The following NEO1 variants were observed in gnomAD, a reference collection of about 807,000 sequenced individuals.
NEO1 encodes the protein neogenin 1, also known as neogenin.
A neutral mutation model predicts 159.7 loss-of-function variants in NEO1; 63 were observed. That is an observed-to-expected ratio of 0.39 (90% CI 0.32 to 0.49). The LOEUF (loss-of-function observed/expected upper bound fraction) is 0.49. Among genes scored for constraint, NEO1 ranks in the 20% least tolerant of loss-of-function variants. NEO1 has a pLI of 0.85. For missense variants in NEO1, 1,615 were observed against 1,831.0 expected (o/e 0.88, Z 2.15); for synonymous variants, 633 against 662.0 (o/e 0.96, Z 0.67).
intron 12 of NEO1, among the ~76,000 whole-genome samples, chr15:73,254,288 T>G (rs1224633569): frequency 6.6e-6 from 1 of 152,142 alleles, no homozygotes; most frequent in Non-Finnish European, 1.5e-5. Context: ...ATATGGAAAT[T>G]GTCTAATTTC....
In NEO1 at chr15:73,228,588, G is replaced by T. The variant is rs574620643; in HGVS notation, c.1292-7759G>T. On this transcript the variant is annotated intron_variant, in intron 7 of 28. Coordinates refer to ENST00000261908, the MANE Select transcript of NEO1 (RefSeq NM_002499.4). ...TTGTTTTTGTTTTGTTTTTTTCTGGGTTTTTTTTAGTGCAGAAGTATTTGT... is the reference window on the plus strand; with the variant it reads ...TTGTTTTTGTTTTGTTTTTTTCTGGTTTTTTTTTAGTGCAGAAGTATTTGT... Among the ~76,000 whole-genome samples the T allele has an allele frequency of 8.7e-5, 13 of 150,220 alleles. 1 individual carries two copies. The highest frequency in any genetic ancestry group is 6.3e-4 in the South Asian group (3 of 4,760).
At chr15:73,067,832 G>C (rs148479833) in intron 1 of NEO1, among the ~76,000 whole-genome samples, 1 of 152,002 alleles carries the variant, frequency 6.6e-6, no homozygotes, top group African/African-American at 2.4e-5. Context: ...TAGCTAGGAT[G>C]GTCTCGATCT....
intron 7 of NEO1, among the ~76,000 whole-genome samples, chr15:73,225,812 C>T (rs2038551635): frequency 6.6e-6 from 1 of 152,150 alleles, no homozygotes. Flanking sequence ...CAGGAGGGTT[C>T]TCCCCAGCTT....
intron 1 of NEO1, among the ~76,000 whole-genome samples, chr15:73,081,394 G>A (rs1020055923): frequency 1.3e-5 from 2 of 152,158 alleles, no homozygotes; most frequent in Non-Finnish European, 2.9e-5. Context: ...GAAGTATAAT[G>A]TTCTGAGGGC....
intron 7 of NEO1, among the ~76,000 whole-genome samples, chr15:73,182,261 A>T (rs1331860915): frequency 6.6e-6 from 1 of 152,154 alleles, no homozygotes; most frequent in Non-Finnish European, 1.5e-5. Flanking sequence ...TCAAGATAAG[A>T]TTTGGGTGGG....
intron 5 of NEO1, among the ~76,000 whole-genome samples, chr15:73,144,624 A>G (rs1183386559): frequency 1.3e-5 from 2 of 152,222 alleles, no homozygotes; most frequent in Admixed American, 1.3e-4. Context: ...TTCACACTCT[A>G]CCTGCTTCTG....
At chr15:73,194,604 A>G (rs2036428807) in intron 7 of NEO1, among the ~76,000 whole-genome samples, 1 of 152,194 alleles carries the variant, frequency 6.6e-6, no homozygotes. Flanking sequence ...ACATCAGGCC[A>G]TTCCTGAGGG....
intron 9 of NEO1, among the ~76,000 whole-genome samples, chr15:73,246,954 G>A (rs892946738): frequency 1.3e-5 from 2 of 152,200 alleles, no homozygotes; most frequent in African/African-American, 2.4e-5. Flanking sequence ...GTAAAGATGA[G>A]TAAGACTTGA....
intron 5 of NEO1, among the ~76,000 whole-genome samples, chr15:73,140,999 G>A (rs1211686435): frequency 6.6e-6 from 1 of 152,164 alleles, no homozygotes; most frequent in Non-Finnish European, 1.5e-5. Context: ...GGCTTCTGGT[G>A]TGTTTATGTT....
At chr15:73,269,081 G>A (rs1356406612) in intron 16 of NEO1, among the ~76,000 whole-genome samples, 1 of 152,114 alleles carries the variant, frequency 6.6e-6, no homozygotes, top group Non-Finnish European at 1.5e-5. Context: ...TTATTTGGGT[G>A]TCAGCTATGT....
chr15:73,098,133 A>G (rs2070186834), intron 1 of NEO1, among the ~76,000 whole-genome samples: 1 of 152,068 alleles, frequency 6.6e-6, no homozygotes, highest in Admixed American at 6.6e-5. Context: ...TGCTAACTGC[A>G]ATAAAATGGT....
At chr15:73,179,305 G>A (rs1357549080) in intron 7 of NEO1, among the ~76,000 whole-genome samples, 1 of 152,174 alleles carries the variant, frequency 6.6e-6, no homozygotes, top group East Asian at 1.9e-4. Context: ...CTCAGGAAGA[G>A]GCCCCTCTTT....
intron 3 of NEO1, among the ~76,000 whole-genome samples, chr15:73,124,753 A>T (rs1374627272): frequency 2.6e-5 from 4 of 152,090 alleles, no homozygotes; most frequent in Non-Finnish European, 4.4e-5. Flanking sequence ...ACTTCAGAAC[A>T]TATTACCATC....
chr15:73,270,436 G>A lies in NEO1; in HGVS notation c.2839G>A (p.Gly947Arg). 1 of 1,613,426 alleles carries A rather than the reference G, an allele frequency of 6.2e-7. No homozygotes were observed. The highest frequency in any genetic ancestry group is 8.5e-7 in the Non-Finnish European group (1 of 1,179,926). Residue 947 changes from glycine to arginine, a missense_variant, in exon 18 of 29, where the codon GGG becomes AGG. This residue lies in a region of NEO1 where 126 missense variants were observed against 216.7 expected (regional missense o/e 0.58). Transcript: ENST00000261908. ...RSSTWSMTAHGTTFELVPTSP... is the reference protein window; with the variant it reads ...RSSTWSMTAHRTTFELVPTSP... ...AAGTACATGGAGTATGACAGCCCAT[G>A]GGACCACCTTTGAATTAGGTATGTG...
intron 7 of NEO1, among the ~76,000 whole-genome samples, chr15:73,182,113 A>G (rs1355025547): frequency 1.3e-5 from 2 of 151,920 alleles, no homozygotes; most frequent in African/African-American, 4.8e-5. Context: ...GGAAACTCCC[A>G]TTTTCCAAGC....
At chr15:73,234,328 C>G (rs555293868) in intron 7 of NEO1, among the ~76,000 whole-genome samples, 1 of 152,238 alleles carries the variant, frequency 6.6e-6, no homozygotes, top group Non-Finnish European at 1.5e-5. Context: ...TATTCAAAAC[C>G]AAATTCATAA....
intron 1 of NEO1, among the ~76,000 whole-genome samples, chr15:73,087,111 C>T (rs1428444009): frequency 2.6e-5 from 4 of 152,152 alleles, no homozygotes; most frequent in African/African-American, 9.7e-5. Flanking sequence ...CTGTCTTTTA[C>T]CATTAAGTAT....
chr15:73,266,706 G>A (rs139942326), intron 16 of NEO1, among the ~76,000 whole-genome samples: 15 of 152,166 alleles, frequency 9.9e-5, no homozygotes, highest in East Asian at 3.9e-4. Flanking sequence ...GTGATTTTCC[G>A]TCTTTTGGGC....
intron 22 of NEO1, among the ~76,000 whole-genome samples, chr15:73,278,502 G>A (rs1309579122): frequency 6.6e-6 from 1 of 152,158 alleles, no homozygotes; most frequent in African/African-American, 2.4e-5. Flanking sequence ...CCTCTAGTGG[G>A]ATTAGCCACC....
Sources: allele counts gnomAD v4.1 joint callset (sites outside exome capture counted in the v4.1 genomes callset), GRCh38; gene constraint gnomAD v4.1.1; regional missense constraint gnomAD v4.1.1; transcripts MANE v1.5; gene names NCBI Gene and HGNC (gene_info 2026-07-23, HGNC 2026-07-21).